NBEA: variants seen among roughly 807,000 people sequenced by gnomAD.
The protein encoded by NBEA is neurobeachin.
Under a neutral mutation model 343.4 loss-of-function variants are expected in NBEA, and 44 were observed. The observed-to-expected ratio is 0.13, with a 90% confidence interval of 0.10 to 0.16. The LOEUF is 0.16. NBEA is among the 10% of genes least tolerant of loss of function. NBEA has a pLI of 1.00. For synonymous variants in NBEA, 1,175 were observed against 1,238.7 expected (o/e 0.95, Z 1.08); for missense variants, 2,555 against 3,631.3 (o/e 0.70, Z 7.62).
chr13:35,642,633 G>GC (rs1375804638), intron 49 of NBEA, among the ~76,000 whole-genome samples: 1 of 152,196 alleles, frequency 6.6e-6, no homozygotes, highest in African/African-American at 2.4e-5. Context: ...CAAGCCAGTG[G>GC]CAGTGCCCAG....
chr13:35,038,888 A>G (rs1012880030), intron 1 of NBEA, among the ~76,000 whole-genome samples: 1 of 152,054 alleles, frequency 6.6e-6, no homozygotes, highest in Non-Finnish European at 1.5e-5. Context: ...CAGTGTGTCC[A>G]TGCCACTTTA....
intron 35 of NBEA, among the ~76,000 whole-genome samples, chr13:35,292,892 A>T (rs1276899314): frequency 6.6e-6 from 1 of 151,976 alleles, no homozygotes; most frequent in African/African-American, 2.4e-5. Flanking sequence ...AAAGATAAAA[A>T]TTTTTTGAGA....
chr13:35,041,976 G>C (rs1049538612), intron 2 of NBEA, among the ~76,000 whole-genome samples: 13 of 151,866 alleles, frequency 8.6e-5, no homozygotes, highest in Non-Finnish European at 1.9e-4. Flanking sequence ...AATTATAAAA[G>C]TGCTGATATT....
At chr13:35,316,907 C>T in intron 36 of NBEA, among the ~76,000 whole-genome samples, 1 of 152,022 alleles carries the variant, frequency 6.6e-6, no homozygotes, top group Non-Finnish European at 1.5e-5. Context: ...TAAATGACAT[C>T]CTTTGAGAAG....
At chr13:35,114,889 A>G (rs1221971137) in intron 13 of NBEA, among the ~76,000 whole-genome samples, 2 of 152,146 alleles carry the variant, frequency 1.3e-5, no homozygotes, top group East Asian at 3.8e-4. Context: ...TTTCAATACC[A>G]TTTTAAACAA....
At chr13:35,254,709 TTTAA>T (rs1242212696) in intron 34 of NBEA, among the ~76,000 whole-genome samples, 9 of 152,094 alleles carry the variant, frequency 5.9e-5, no homozygotes, top group Non-Finnish European at 1.0e-4. Context: ...ATAAAGACAG[TTTAA>T]TTAACTATAT....
chr13:35,586,343 A>G (rs2081292330), intron 46 of NBEA, among the ~76,000 whole-genome samples: 1 of 152,210 alleles, frequency 6.6e-6, no homozygotes, highest in Admixed American at 6.5e-5. Flanking sequence ...ATTTTTGTTA[A>G]GAAAAATGTT....
rs574026512 is a variant in NBEA, at chr13:35,608,011, A to C, written c.7449+1433A>C. On this transcript the variant is annotated intron_variant, in intron 48 of 58. Coordinates refer to ENST00000379939, the MANE Select transcript of NBEA (RefSeq NM_001385012.1). ...ATGGGGTTCTCCTCCCCTCCTCTCG[A>C]TTTTCTGTCACTTTTCTTTTGGACT... 5.9e-5 allele frequency among the ~76,000 whole-genome samples: 9 copies of C among 151,920 alleles called. No homozygotes were observed. The South Asian group carries it at 1.7e-3, about 28-fold the overall frequency.
intron 34 of NBEA, among the ~76,000 whole-genome samples, chr13:35,247,758 T>C (rs1020810691): frequency 2.6e-5 from 4 of 152,102 alleles, no homozygotes; most frequent in African/African-American, 9.7e-5. Context: ...TTCTGCTCTG[T>C]CTATCCAAGT....
At chr13:35,326,232 G>C (rs946936232) in intron 36 of NBEA, among the ~76,000 whole-genome samples, 1 of 151,990 alleles carries the variant, frequency 6.6e-6, no homozygotes, top group Non-Finnish European at 1.5e-5. Context: ...TCTGTAGTAT[G>C]GCTATTTTAA....
intron 34 of NBEA, among the ~76,000 whole-genome samples, chr13:35,269,908 TAGAA>T (rs978176054): frequency 6.6e-6 from 1 of 152,164 alleles, no homozygotes; most frequent in Non-Finnish European, 1.5e-5. Flanking sequence ...CTTCTAAACT[TAGAA>T]GGATAAATTA....
chr13:35,584,314 CTT>C (rs67450016), intron 46 of NBEA, among the ~76,000 whole-genome samples: 17,665 of 134,010 alleles, frequency 0.13, 1,177 homozygotes, highest in East Asian at 0.26. Flanking sequence ...GAGTACATAC[CTT>C]TTTTTTTTTT....
intron 1 of NBEA, among the ~76,000 whole-genome samples, chr13:35,017,603 AT>A: frequency 6.6e-6 from 1 of 152,070 alleles, no homozygotes; most frequent in East Asian, 1.9e-4. Context: ...GAACATTTTT[AT>A]ATCTTTTTTT....
At chr13:35,278,881 A>T (rs1028669933) in intron 34 of NBEA, among the ~76,000 whole-genome samples, 1 of 152,064 alleles carries the variant, frequency 6.6e-6, no homozygotes, top group African/African-American at 2.4e-5. Flanking sequence ...TGCTACATAC[A>T]ATATGTAAAA....
intron 44 of NBEA, among the ~76,000 whole-genome samples, chr13:35,557,052 T>C (rs2079605874): frequency 6.6e-6 from 1 of 152,112 alleles, no homozygotes; most frequent in African/African-American, 2.4e-5. Flanking sequence ...TTGGCTGTGC[T>C]AGCTATTTGG....
intron 49 of NBEA, among the ~76,000 whole-genome samples, chr13:35,628,755 A>G (rs569392191): frequency 6.6e-6 from 1 of 151,892 alleles, no homozygotes; most frequent in Non-Finnish European, 1.5e-5. Flanking sequence ...CCATCTCTAC[A>G]AAAAATACAA....
intron 39 of NBEA, among the ~76,000 whole-genome samples, chr13:35,436,003 G>A (rs74054541): frequency 0.017 from 2,617 of 151,484 alleles, 63 homozygotes; most frequent in African/African-American, 0.061. Context: ...CAAATTATTC[G>A]CCACAGTTTT....
At chr13:35,151,687 G>A (rs538559672) in intron 18 of NBEA, among the ~76,000 whole-genome samples, 1 of 151,846 alleles carries the variant, frequency 6.6e-6, no homozygotes, top group African/African-American at 2.4e-5. Flanking sequence ...TATGTCTATA[G>A]TTTTCTGAGG....
intron 34 of NBEA, among the ~76,000 whole-genome samples, chr13:35,255,224 T>G (rs2032449674): frequency 6.6e-6 from 1 of 152,268 alleles, no homozygotes; most frequent in African/African-American, 2.4e-5. Flanking sequence ...AAATAGGGAC[T>G]GTTGCGAAGC....
Sources: gnomAD v4.1 joint callset for allele counts (sites outside exome capture counted in the v4.1 genomes callset) on GRCh38, gnomAD v4.1.1 for gene constraint, MANE v1.5 for transcripts, NCBI Gene and HGNC (gene_info 2026-07-23, HGNC 2026-07-21) for gene names.